Variants in DMD observed in about 807,000 individuals in gnomAD.
The protein encoded by DMD is mutant dystrophin.
In DMD, 63 loss-of-function variants were observed where a neutral mutation model predicts 330.1. The observed-to-expected ratio is 0.19, with a 90% CI of 0.16 to 0.24. DMD has a LOEUF of 0.24. Ranked by LOEUF, DMD falls within the 10% of genes least tolerant of loss-of-function variation. The pLI, the probability that DMD is intolerant of heterozygous loss-of-function variation, is 1.00. For synonymous variants in DMD, 1,223 were observed against 959.8 expected (o/e 1.27, Z -5.07); for missense variants, 3,344 against 2,684.1 (o/e 1.25, Z -5.43).
At chrX:32,302,313 A>G (rs2097526361) in intron 42 of DMD, among the ~76,000 whole-genome samples, 1 of 111,275 alleles carries the variant, frequency 9.0e-6, no homozygotes, top group Non-Finnish European at 1.9e-5. Context: ...CTAAACCATG[A>G]TATTTGGTGG....
intron 62 of DMD, among the ~76,000 whole-genome samples, chrX:31,311,793 A>G (rs1160839262): frequency 9.0e-6 from 1 of 111,728 alleles, no homozygotes; most frequent in Non-Finnish European, 1.9e-5. Flanking sequence ...GACCTCAGAA[A>G]TAATACCACA....
At chrX:33,222,520 G>A (rs1200717234) in intron 1 of DMD, among the ~76,000 whole-genome samples, 7 of 112,215 alleles carry the variant, frequency 6.2e-5, no homozygotes, top group South Asian at 7.3e-4. Context: ...TCTTATTCAC[G>A]TACTGCTACA....
chrX:33,007,721 AATAG>A (rs980043661), intron 2 of DMD, among the ~76,000 whole-genome samples: 17 of 111,566 alleles, frequency 1.5e-4, no homozygotes, highest in East Asian at 2.8e-4. Flanking sequence ...CCTGATATGA[AATAG>A]ATAGAGAATG....
intron 25 of DMD, among the ~76,000 whole-genome samples, chrX:32,459,569 A>G (rs767984316): frequency 9.0e-6 from 1 of 111,408 alleles, no homozygotes; most frequent in African/African-American, 3.3e-5. Context: ...CGAAATAAAT[A>G]TGGCTAAGAT....
At chrX:31,973,249 G>A (rs1322031326) in intron 44 of DMD, among the ~76,000 whole-genome samples, 1 of 108,492 alleles carries the variant, frequency 9.2e-6, no homozygotes, top group Non-Finnish European at 1.9e-5. Context: ...CTAAAATTGG[G>A]GAAATCTAGC....
chrX:33,121,660 GAGA>G (rs1343018752), intron 1 of DMD, among the ~76,000 whole-genome samples: 5 of 111,909 alleles, frequency 4.5e-5, no homozygotes, highest in Non-Finnish European at 9.4e-5. Flanking sequence ...TGGCCTTTGG[GAGA>G]AGTACATTTT....
At chrX:31,404,759 T>A (rs1319105297) in intron 60 of DMD, among the ~76,000 whole-genome samples, 1 of 111,692 alleles carries the variant, frequency 9.0e-6, no homozygotes, top group Non-Finnish European at 1.9e-5. Flanking sequence ...AAAGGAGGTA[T>A]GGATGTGAGA....
chrX:31,802,687 T>C (rs1038489296), intron 50 of DMD, among the ~76,000 whole-genome samples: 1 of 111,968 alleles, frequency 8.9e-6, no homozygotes, highest in Non-Finnish European at 1.9e-5. Context: ...GGGAAGGTCA[T>C]GCATTTCATA....
intron 7 of DMD, among the ~76,000 whole-genome samples, chrX:32,799,057 G>C (rs1210553168): frequency 9.0e-6 from 1 of 111,296 alleles, no homozygotes; most frequent in Non-Finnish European, 1.9e-5. Context: ...CAAATTCTAT[G>C]TATCTTTCCA....
At position 32,009,395 on chromosome X, in the gene DMD, C is replaced by T. The variant is rs1025050548; in HGVS notation, c.6439-40881G>A. ...TTTTATGAGGCATAGGGCAAAGAGG[C>T]AATATGCATTTTTAAGTTCTTGAAA... On this transcript the variant is annotated intron_variant, in intron 44 of 78. Transcript: ENST00000357033. Among the ~76,000 whole-genome samples, 4 of 111,820 alleles carry T rather than the reference C, an allele frequency of 3.6e-5. No homozygotes were observed. In the Admixed American group the frequency reaches 3.8e-4, roughly 11 times the overall value.
chrX:32,804,855 A>G (rs1266586492), intron 7 of DMD, among the ~76,000 whole-genome samples: 1 of 112,293 alleles, frequency 8.9e-6, no homozygotes, highest in Non-Finnish European at 1.9e-5. Flanking sequence ...GACCTCCAGT[A>G]AACTCCAGCA....
intron 4 of DMD, among the ~76,000 whole-genome samples, chrX:32,838,611 T>G (rs1450094972): frequency 8.9e-6 from 1 of 112,043 alleles, no homozygotes; most frequent in Non-Finnish European, 1.9e-5. Context: ...TATTCCATGG[T>G]GTATATGTAC....
chrX:32,685,181 C>A (rs111434947), intron 9 of DMD, among the ~76,000 whole-genome samples: 1 of 110,881 alleles, frequency 9.0e-6, no homozygotes, highest in Non-Finnish European at 1.9e-5. Flanking sequence ...ATTTGAGGTA[C>A]CAAATAGTTA....
chrX:33,330,676 C>G (rs182834123), intron 1 of DMD, among the ~76,000 whole-genome samples: 2 of 112,056 alleles, frequency 1.8e-5, no homozygotes, highest in Non-Finnish European at 3.8e-5. Flanking sequence ...GGCTTTTAGA[C>G]CAGCCTAGAC....
At chrX:32,780,075 C>T (rs988417456) in intron 7 of DMD, among the ~76,000 whole-genome samples, 37 of 111,675 alleles carry the variant, frequency 3.3e-4, no homozygotes, top group Non-Finnish European at 4.7e-4. Flanking sequence ...CCTCATAGTA[C>T]ACACACTTAC....
chrX:32,240,358 T>C (rs143450609), intron 43 of DMD, among the ~76,000 whole-genome samples: 3 of 111,374 alleles, frequency 2.7e-5, no homozygotes, highest in East Asian at 5.7e-4. Context: ...AGAATGAGAA[T>C]AGTACCCTTA....
rs144066459 is a variant in DMD, at chrX:32,813,177, G to C, written c.530+3291C>G. ...AGCATTGAACCAAAAGGCCTTTGAG[G>C]TCACGTCTAGCATTAAAAATGAATT... On this transcript the variant is annotated intron_variant, in intron 6 of 78. Transcript: ENST00000357033. Among the ~76,000 whole-genome samples the C allele has an allele frequency of 1.9e-4, 21 of 111,466 alleles. No individual in the cohort carries two copies. In the East Asian group the frequency reaches 5.3e-3, roughly 28 times the overall value.
At chrX:31,931,903 CTTATG>C (rs1262801782) in intron 46 of DMD, among the ~76,000 whole-genome samples, 172 bp downstream of exon 46, 1 of 110,424 alleles carries the variant, frequency 9.1e-6, no homozygotes, top group Non-Finnish European at 1.9e-5. Flanking sequence ...TACATATGTT[CTTATG>C]TGCACTGGTT....
chrX:32,021,785 GT>G (rs1257170016), intron 44 of DMD, among the ~76,000 whole-genome samples: 2 of 111,724 alleles, frequency 1.8e-5, no homozygotes, highest in African/African-American at 6.5e-5. Flanking sequence ...TAATTTCTCT[GT>G]TTCTTTTTCT....
Sources: allele counts gnomAD v4.1 joint callset (sites outside exome capture counted in the v4.1 genomes callset), GRCh38; gene constraint gnomAD v4.1.1; transcripts MANE v1.5; gene names NCBI Gene and HGNC (gene_info 2026-07-23, HGNC 2026-07-21).